Variants in MACROD1 observed in about 807,000 individuals in gnomAD.
The protein encoded by MACROD1 is ADP-ribose glycohydrolase MACROD1.
In MACROD1, 31 loss-of-function variants were observed where a neutral mutation model predicts 41.4. The ratio of observed to expected loss-of-function variants is 0.75; its 90% CI spans 0.56 to 1.01. The LOEUF (loss-of-function observed/expected upper bound fraction) is 1.01, where lower values mean the gene tolerates loss of function less well. Among genes scored for constraint, MACROD1 ranks in the 50% least tolerant of loss-of-function variants. The probability of loss-of-function intolerance (pLI) is 0.00; values close to 1 mark genes in which losing one functional copy is unlikely to be tolerated. For synonymous variants in MACROD1, 252 were observed against 203.4 expected (o/e 1.24, Z -2.03); for missense variants, 473 against 460.0 (o/e 1.03, Z -0.26).
At chr11:64,063,063 AC>A (rs1444860311) in intron 3 of MACROD1, among the ~76,000 whole-genome samples, 3 of 152,190 alleles carry the variant, frequency 2.0e-5, no homozygotes, top group African/African-American at 7.2e-5. Context: ...ATGCCTGGTG[AC>A]AGTCGTTCTA....
intron 3 of MACROD1, among the ~76,000 whole-genome samples, chr11:64,093,129 G>A (rs1246358392): frequency 1.3e-5 from 2 of 152,204 alleles, no homozygotes; most frequent in Non-Finnish European, 2.9e-5. Flanking sequence ...GTTTTCTCAG[G>A]TGGAAAATTG....
intron 3 of MACROD1, among the ~76,000 whole-genome samples, chr11:64,078,866 G>A (rs563500303): frequency 2.2e-4 from 33 of 152,334 alleles, no homozygotes; most frequent in Admixed American, 7.8e-4. Flanking sequence ...AGACTGTCTC[G>A]GCAGAGGGGA....
chr11:64,078,520 G>A (rs1415073137), intron 3 of MACROD1, among the ~76,000 whole-genome samples: 1 of 152,222 alleles, frequency 6.6e-6, no homozygotes, highest in African/African-American at 2.4e-5. Flanking sequence ...AGCATCGGAG[G>A]GATACCCGGG....
At chr11:64,145,563 G>A (rs968005765) in intron 3 of MACROD1, among the ~76,000 whole-genome samples, 1 of 152,136 alleles carries the variant, frequency 6.6e-6, no homozygotes, top group African/African-American at 2.4e-5. Context: ...TAGAGGCCAC[G>A]GAGTGGCCAG....
chr11:64,070,805 G>A (rs1429060680), intron 3 of MACROD1, among the ~76,000 whole-genome samples: 3 of 152,214 alleles, frequency 2.0e-5, no homozygotes, highest in Non-Finnish European at 2.9e-5. Context: ...GAGACGAGGC[G>A]TGAACAATAA....
At chr11:64,031,476 C>CTTTTTTTTTTT (rs386373983) in intron 3 of MACROD1, among the ~76,000 whole-genome samples, 2 of 114,948 alleles carry the variant, frequency 1.7e-5, no homozygotes, top group African/African-American at 3.5e-5. Flanking sequence ...GCCTGCCTTC[C>CTTTTTTTTTTT]TTTTTTTTTT....
At chr11:64,024,649 G>A (rs567065370) in intron 3 of MACROD1, among the ~76,000 whole-genome samples, 1 of 152,352 alleles carries the variant, frequency 6.6e-6, no homozygotes, top group Admixed American at 6.5e-5. Context: ...CCAGCCAGCC[G>A]GGCAGTCTCC....
At chr11:64,121,466 C>A (rs554317993) in intron 3 of MACROD1, among the ~76,000 whole-genome samples, 9 of 152,308 alleles carry the variant, frequency 5.9e-5, no homozygotes, top group African/African-American at 2.2e-4. Context: ...TGACACCTTC[C>A]CAGGGTCCTT....
chr11:64,145,084 G>A (rs577705764), intron 3 of MACROD1, among the ~76,000 whole-genome samples: 4 of 152,324 alleles, frequency 2.6e-5, no homozygotes, highest in South Asian at 2.1e-4. Context: ...AGGGGCTGCC[G>A]GTGCTTGGGA....
At chr11:64,135,713 T>G (rs1482117661) in intron 3 of MACROD1, among the ~76,000 whole-genome samples, 1 of 152,132 alleles carries the variant, frequency 6.6e-6, no homozygotes, top group Non-Finnish European at 1.5e-5. Flanking sequence ...CAGGGCCAGC[T>G]TGCAGCCTTC....
intron 3 of MACROD1, among the ~76,000 whole-genome samples, chr11:64,081,538 C>T (rs1944303690): frequency 6.6e-6 from 1 of 152,154 alleles, no homozygotes; most frequent in Non-Finnish European, 1.5e-5. Flanking sequence ...ACCCCCCCGA[C>T]CCCATCGCAA....
chr11:64,099,483 G>GAGATGGATGGATAAATGGAC (rs1461693138), intron 3 of MACROD1, among the ~76,000 whole-genome samples: 2 of 152,224 alleles, frequency 1.3e-5, no homozygotes, highest in African/African-American at 2.4e-5. Flanking sequence ...GATGAATGGA[G>GAGATGGATGGATAAATGGAC]AGACGGATGG....
chr11:64,158,808 T>C (rs1945708692), intron 1 of MACROD1, among the ~76,000 whole-genome samples: 1 of 152,156 alleles, frequency 6.6e-6, no homozygotes, highest in Non-Finnish European at 1.5e-5. Flanking sequence ...CAACTGCCTT[T>C]ACAGTGAGGG....
intron 3 of MACROD1, among the ~76,000 whole-genome samples, chr11:64,112,464 A>C (rs557242309): frequency 6.6e-6 from 1 of 152,208 alleles, no homozygotes; most frequent in Non-Finnish European, 1.5e-5. Context: ...TAGTGACCCA[A>C]GATCGCTCCA....
intron 3 of MACROD1, among the ~76,000 whole-genome samples, chr11:64,065,167 C>T (rs569492633): frequency 3.9e-5 from 6 of 152,296 alleles, no homozygotes; most frequent in East Asian, 3.9e-4. Flanking sequence ...GCCCAGGGAA[C>T]GGGTGCAGGA....
At chr11:64,097,565 G>A (rs1000589981) in intron 3 of MACROD1, among the ~76,000 whole-genome samples, 11 of 152,342 alleles carry the variant, frequency 7.2e-5, no homozygotes, top group Admixed American at 5.9e-4. Context: ...AGCCACCCAC[G>A]GCCTGGCTCG....
intron 1 of MACROD1, among the ~76,000 whole-genome samples, chr11:64,153,097 G>A (rs1359594088): frequency 6.6e-6 from 1 of 151,746 alleles, no homozygotes; most frequent in East Asian, 2.0e-4. Context: ...CAGACTCGGG[G>A]TCCACCCTGG....
chr11:64,037,251 T>G (rs1218625982), intron 3 of MACROD1, among the ~76,000 whole-genome samples: 1 of 151,942 alleles, frequency 6.6e-6, no homozygotes, highest in Non-Finnish European at 1.5e-5. Flanking sequence ...GCTCAGGAGT[T>G]AGGAAGGAGG....
intron 3 of MACROD1, among the ~76,000 whole-genome samples, chr11:64,081,500 C>T (rs193195095): frequency 3.9e-5 from 6 of 152,252 alleles, no homozygotes; most frequent in East Asian, 1.9e-4. Context: ...CTGCCTGGTA[C>T]GTGGGGTTCA....
Sources: gnomAD v4.1 joint callset for allele counts (sites outside exome capture counted in the v4.1 genomes callset) on GRCh38, gnomAD v4.1.1 for gene constraint, MANE v1.5 for transcripts, NCBI Gene and HGNC (gene_info 2026-07-23, HGNC 2026-07-21) for gene names.